The following PARD3B variants were observed in gnomAD, a reference collection of about 807,000 sequenced individuals.
The protein encoded by PARD3B is partitioning defective 3 homolog B.
In PARD3B, 103 loss-of-function variants were observed where a neutral mutation model predicts 130.2. That is an observed-to-expected ratio of 0.79 (90% CI 0.67 to 0.93). The LOEUF (loss-of-function observed/expected upper bound fraction) is 0.93, where lower values mean the gene tolerates loss of function less well. Ranked by LOEUF, PARD3B falls within the 40% of genes least tolerant of loss-of-function variation. The pLI, the probability that PARD3B is intolerant of heterozygous loss-of-function variation, is 0.00. For missense variants in PARD3B, 1,609 were observed against 1,499.2 expected, an observed-to-expected ratio of 1.07 and a Z score of -1.21; for synonymous variants, 583 against 553.2, an observed-to-expected ratio of 1.05 and a Z score of -0.76.
At chr2:205,514,130 T>C (rs971273414) in intron 21 of PARD3B, among the ~76,000 whole-genome samples, 9 of 152,140 alleles carry the variant, frequency 5.9e-5, no homozygotes, top group Non-Finnish European at 8.8e-5. Flanking sequence ...CTGTCCCAAT[T>C]ACCAACCAAG....
chr2:205,128,755 G>A lies in PARD3B; in HGVS notation c.1434+3018G>A, dbSNP rs1408185814. On this transcript the variant is annotated intron_variant, in intron 10 of 22. Transcript: ENST00000406610. This position sits in a 1 kb window ranked among gnomAD's most constrained non-coding sequence, Gnocchi z 4.5. ...CTCTAGATATATTATGGGGTAGATA[G>A]ATTTATGCAGCCTTGCCTGGGACTA... Among the ~76,000 whole-genome samples, 1 of 152,178 alleles carries A rather than the reference G, an allele frequency of 6.6e-6. No homozygotes were observed. Among genetic ancestry groups the A allele is most frequent in the African/African-American group, 2.4e-5 (1 of 41,438 alleles).
chr2:205,440,605 A>G lies in PARD3B; in HGVS notation c.2977A>G (p.Arg993Gly), dbSNP rs368781999. ...PRDGHPLSPE[R>G]DHLEGLYAKV... ...GGATGGCCATCCACTGTCTCCAGAA[A>G]GAGACCACTTAGAGGGTCTCTATGC... Residue 993 changes from arginine (R) to glycine (G), a missense_variant, in exon 20 of 23, where the codon AGA becomes GGA. Coordinates refer to ENST00000406610, the MANE Select transcript of PARD3B (RefSeq NM_001302769.2). This position sits in a 1 kb window ranked among gnomAD's most constrained non-coding sequence, Gnocchi z 4.2. 1.2e-6 allele frequency: 2 copies of G among 1,613,956 alleles called. No homozygotes were observed. Among genetic ancestry groups the G allele is most frequent in the South Asian group, 1.1e-5 (1 of 91,090 alleles).
At chr2:205,499,803 T>G (rs532296900) in intron 20 of PARD3B, 93 bp from the exon 21 acceptor site, 49 of 1,303,986 alleles carry the variant, frequency 3.8e-5, no homozygotes, top group Non-Finnish European at 4.8e-5. Flanking sequence ...ATCTTCCAAA[T>G]TTAGATGTCA....
chr2:205,144,027 A>G (rs1325962447), intron 10 of PARD3B, among the ~76,000 whole-genome samples: 2 of 152,194 alleles, frequency 1.3e-5, no homozygotes, highest in Admixed American at 6.5e-5. Flanking sequence ...TTACTTTCAA[A>G]TTGCAGCATT....
intron 1 of PARD3B, among the ~76,000 whole-genome samples, chr2:204,641,417 T>C (rs967714629): frequency 2.0e-5 from 3 of 151,886 alleles, no homozygotes; most frequent in Non-Finnish European, 4.4e-5. Flanking sequence ...TTAGATGAGA[T>C]AATGTACTTA....
intron 2 of PARD3B, among the ~76,000 whole-genome samples, chr2:204,895,281 T>A (rs1006978031): frequency 6.6e-6 from 1 of 152,138 alleles, no homozygotes; most frequent in African/African-American, 2.4e-5. Context: ...ATTTGAAATG[T>A]GTTTTGCAAT....
At chr2:204,568,402 G>T (rs1316715103) in intron 1 of PARD3B, among the ~76,000 whole-genome samples, 1 of 152,156 alleles carries the variant, frequency 6.6e-6, no homozygotes, top group Non-Finnish European at 1.5e-5. Flanking sequence ...AGAATGTTTT[G>T]TTCTTGACTG....
chr2:205,330,210 A>G (rs1300896788), intron 18 of PARD3B, among the ~76,000 whole-genome samples: 1 of 151,424 alleles, frequency 6.6e-6, no homozygotes, highest in African/African-American at 2.4e-5. Flanking sequence ...GCATGGTGGC[A>G]TGTGCCTGTA....
At position 205,287,016 on chromosome 2, in the gene PARD3B, T is replaced by C. The variant is rs893317907; in HGVS notation, c.2186-13514T>C. Among the ~76,000 whole-genome samples the C allele has an allele frequency of 6.6e-6, 1 of 152,286 alleles. No individual in the cohort carries two copies. The highest frequency in any genetic ancestry group is 1.5e-5 in the Non-Finnish European group (1 of 68,028). ...GCAAACCAATGTAATAAAACTCTTC[T>C]TGATGTAGAAGATTTGTCACTTGTA... On this transcript the variant is annotated intron_variant, in intron 16 of 22. Coordinates refer to ENST00000406610, the MANE Select transcript of PARD3B (RefSeq NM_001302769.2). This position sits in a 1 kb window ranked among gnomAD's most constrained non-coding sequence, Gnocchi z 4.8.
At chr2:205,474,219 C>G (rs1041381444) in intron 20 of PARD3B, among the ~76,000 whole-genome samples, 13 of 151,554 alleles carry the variant, frequency 8.6e-5, no homozygotes, top group Admixed American at 5.9e-4. Flanking sequence ...TCTGAGTATT[C>G]TATATTAAAT....
chr2:204,888,440 A>G (rs2046335278), intron 2 of PARD3B, among the ~76,000 whole-genome samples: 1 of 152,056 alleles, frequency 6.6e-6, no homozygotes, highest in Non-Finnish European at 1.5e-5. Context: ...TGGGACATAA[A>G]TGTGTTAGAA....
chr2:204,794,842 TG>T (rs1285468622), intron 2 of PARD3B, among the ~76,000 whole-genome samples: 1 of 152,208 alleles, frequency 6.6e-6, no homozygotes, highest in Non-Finnish European at 1.5e-5. Flanking sequence ...ATTATACATG[TG>T]GTTTCTTTCC....
chr2:204,885,562 C>A (rs542391928), intron 2 of PARD3B, among the ~76,000 whole-genome samples: 142 of 152,108 alleles, frequency 9.3e-4, no homozygotes, highest in Non-Finnish European at 1.8e-3. Flanking sequence ...TCCTGTGAGG[C>A]AGATTGTGTT....
chr2:204,688,860 T>C (rs879349307), intron 2 of PARD3B, among the ~76,000 whole-genome samples: 1 of 152,104 alleles, frequency 6.6e-6, no homozygotes, highest in Non-Finnish European at 1.5e-5. Context: ...CTAATAATCT[T>C]TGGCATTTAA....
chr2:205,059,979 C>T (rs966696718), intron 4 of PARD3B, among the ~76,000 whole-genome samples: 1 of 152,030 alleles, frequency 6.6e-6, no homozygotes, highest in South Asian at 2.1e-4. Flanking sequence ...TTATTGCCTC[C>T]ATTTTACAGA....
intron 2 of PARD3B, among the ~76,000 whole-genome samples, chr2:204,871,547 A>G (rs2125648397): frequency 6.6e-6 from 1 of 152,266 alleles, no homozygotes; most frequent in East Asian, 1.9e-4. Flanking sequence ...TATTTTTTAA[A>G]CTTGAAGTGC....
chr2:204,837,265 C>A (rs1373342603), intron 2 of PARD3B, among the ~76,000 whole-genome samples: 1 of 151,992 alleles, frequency 6.6e-6, no homozygotes, highest in Admixed American at 6.5e-5. Context: ...TCAAAGTATA[C>A]TTTTTACAAG....
intron 10 of PARD3B, among the ~76,000 whole-genome samples, chr2:205,130,373 T>C (rs2031887605): frequency 6.6e-6 from 1 of 152,238 alleles, no homozygotes; most frequent in Non-Finnish European, 1.5e-5. Context: ...CTGTCTCTGA[T>C]ACCTGAAATT....
Position 205,460,025 on chromosome 2 carries a change from A to G in PARD3B, c.3044+19353A>G, listed in dbSNP as rs1398108709. 6.6e-6 allele frequency among the ~76,000 whole-genome samples: 1 copy of G among 152,174 alleles called. No individual in the cohort carries two copies. The highest frequency in any genetic ancestry group is 1.5e-5 in the Non-Finnish European group (1 of 68,040). Reference sequence around the variant, plus strand: ...CTGAGAAATGCCGAGAAAGACAGGCAGAACTAGATCTAAGTGTTTCAGAAA... The same window carrying G: ...CTGAGAAATGCCGAGAAAGACAGGCGGAACTAGATCTAAGTGTTTCAGAAA... On this transcript the variant is annotated intron_variant, in intron 20 of 22. Transcript: ENST00000406610. The surrounding 1 kb of genome is among the most constrained non-coding windows in gnomAD (Gnocchi z 4.9).
Sources: gnomAD v4.1 joint callset for allele counts (sites outside exome capture counted in the v4.1 genomes callset) on GRCh38, gnomAD v4.1.1 for gene constraint, Gnocchi (gnomAD v3.1) non-coding constraint, MANE v1.5 for transcripts, NCBI Gene and HGNC (gene_info 2026-07-23, HGNC 2026-07-21) for gene names.